PTPRD: variants seen among roughly 807,000 people sequenced by gnomAD.
The protein encoded by PTPRD is receptor-type tyrosine-protein phosphatase delta.
PTPRD carries 34 observed loss-of-function variants against 214.5 expected under a neutral mutation model. The ratio of observed to expected loss-of-function variants is 0.16; its 90% CI spans 0.12 to 0.21. The LOEUF (loss-of-function observed/expected upper bound fraction) is 0.21, where lower values mean the gene tolerates loss of function less well. PTPRD is among the 10% of genes least tolerant of loss of function. The pLI is 1.00. For synonymous variants in PTPRD, 1,128 were observed against 845.7 expected, an observed-to-expected ratio of 1.33 and a Z score of -5.79; for missense variants, 2,545 against 2,398.7, an observed-to-expected ratio of 1.06 and a Z score of -1.27.
intron 11 of PTPRD, among the ~76,000 whole-genome samples, chr9:8,764,236 T>C (rs1035703452): frequency 6.6e-6 from 1 of 152,190 alleles, no homozygotes; most frequent in Non-Finnish European, 1.5e-5. Context: ...CTACATATTT[T>C]ACTGTGATGT....
intron 4 of PTPRD, among the ~76,000 whole-genome samples, chr9:10,011,637 T>C: frequency 6.6e-6 from 1 of 152,000 alleles, no homozygotes; most frequent in East Asian, 1.9e-4. Flanking sequence ...TACTTAAAAA[T>C]GGGTATAAGC....
chr9:8,422,602 A>G (rs977890175), intron 35 of PTPRD, among the ~76,000 whole-genome samples: 9 of 152,154 alleles, frequency 5.9e-5, no homozygotes, highest in Non-Finnish European at 1.2e-4. Context: ...CTCAAATATA[A>G]CTTCACAGTA....
intron 11 of PTPRD, among the ~76,000 whole-genome samples, chr9:8,809,694 A>G (rs1275772092): frequency 2.0e-5 from 3 of 152,186 alleles, no homozygotes; most frequent in Admixed American, 6.6e-5. Flanking sequence ...TATAGCTGGC[A>G]TAAGGTTTAC....
intron 2 of PTPRD, among the ~76,000 whole-genome samples, chr9:10,598,174 A>T (rs2077046138): frequency 6.6e-6 from 1 of 151,800 alleles, no homozygotes; most frequent in Non-Finnish European, 1.5e-5. Context: ...ACTGTAGAGT[A>T]TCAGTGTTGT....
chr9:8,916,079 G>T (rs2098783929), intron 11 of PTPRD, among the ~76,000 whole-genome samples: 1 of 152,138 alleles, frequency 6.6e-6, no homozygotes, highest in Admixed American at 6.6e-5. Context: ...TCAAAGATCA[G>T]AAATTTTATC....
At chr9:8,396,034 T>G (rs186430887) in intron 36 of PTPRD, among the ~76,000 whole-genome samples, 1 of 151,960 alleles carries the variant, frequency 6.6e-6, no homozygotes, top group African/African-American at 2.4e-5. Context: ...AAGGAGGCAA[T>G]TATTATAGAG....
chr9:10,611,103 C>A (rs1432867296), intron 2 of PTPRD, among the ~76,000 whole-genome samples: 1 of 152,080 alleles, frequency 6.6e-6, no homozygotes, highest in Non-Finnish European at 1.5e-5. Flanking sequence ...ACTTTTCAAT[C>A]TGGTTTTTAA....
chr9:10,166,625 T>A (rs2099160857), intron 3 of PTPRD, among the ~76,000 whole-genome samples: 1 of 152,008 alleles, frequency 6.6e-6, no homozygotes, highest in African/African-American at 2.4e-5. Context: ...TTCATCAGCA[T>A]AAACTCTGCT....
chr9:9,770,344 A>C (rs1349408102), intron 5 of PTPRD, among the ~76,000 whole-genome samples: 2 of 152,208 alleles, frequency 1.3e-5, no homozygotes, highest in East Asian at 3.8e-4. Context: ...CAATTTAACA[A>C]GTAACAACCA....
intron 3 of PTPRD, among the ~76,000 whole-genome samples, chr9:10,288,313 T>A (rs78798059): frequency 2.7e-5 from 4 of 147,226 alleles, no homozygotes; most frequent in Middle Eastern, 3.4e-3. Context: ...TAGATTTTTT[T>A]AAAAATTCCA....
At chr9:8,908,615 G>A (rs559619475) in intron 11 of PTPRD, among the ~76,000 whole-genome samples, 101 of 151,940 alleles carry the variant, frequency 6.6e-4, no homozygotes, top group Non-Finnish European at 1.3e-3. Flanking sequence ...CTGATTTATA[G>A]CTATAAACAT....
chr9:10,306,959 A>T (rs1244898621), intron 3 of PTPRD, among the ~76,000 whole-genome samples: 1 of 152,112 alleles, frequency 6.6e-6, no homozygotes, highest in Admixed American at 6.6e-5. Flanking sequence ...ACTATTTGAA[A>T]GTGTTTATGG....
At chr9:8,750,706 T>C (rs1598693848) in intron 11 of PTPRD, among the ~76,000 whole-genome samples, 1 of 152,044 alleles carries the variant, frequency 6.6e-6, no homozygotes, top group Non-Finnish European at 1.5e-5. Flanking sequence ...ATGAGCTTGG[T>C]TGTGGCTGGA....
chr9:9,560,230 G>A (rs542615750), intron 8 of PTPRD, among the ~76,000 whole-genome samples: 3 of 152,244 alleles, frequency 2.0e-5, no homozygotes, highest in South Asian at 4.1e-4. Context: ...AGGCACTAGA[G>A]GAAGTACACT....
At chr9:10,084,682 T>C (rs2098300002) in intron 3 of PTPRD, among the ~76,000 whole-genome samples, 1 of 151,952 alleles carries the variant, frequency 6.6e-6, no homozygotes, top group South Asian at 2.1e-4. Flanking sequence ...TTTTAGGTTT[T>C]ACAAGACACA....
At chr9:10,358,912 G>T (rs77822668) in intron 2 of PTPRD, among the ~76,000 whole-genome samples, 1 of 151,894 alleles carries the variant, frequency 6.6e-6, no homozygotes, top group Non-Finnish European at 1.5e-5. Context: ...ATGGTTGCTG[G>T]TTGGTATACT....
At chr9:10,441,234 C>T (rs892611428) in intron 2 of PTPRD, among the ~76,000 whole-genome samples, 3 of 151,666 alleles carry the variant, frequency 2.0e-5, no homozygotes, top group African/African-American at 7.2e-5. Context: ...CTGCTTTCCA[C>T]AATAAAAGCT....
intron 8 of PTPRD, among the ~76,000 whole-genome samples, chr9:9,508,680 T>G (rs1444700358): frequency 6.6e-6 from 1 of 151,546 alleles, no homozygotes; most frequent in Non-Finnish European, 1.5e-5. Flanking sequence ...CCTCAAAAGG[T>G]ATTATATGTT....
intron 7 of PTPRD, among the ~76,000 whole-genome samples, chr9:9,643,175 C>T (rs997376405): frequency 9.2e-5 from 14 of 152,020 alleles, no homozygotes; most frequent in Non-Finnish European, 2.1e-4. Context: ...TTCCTCAGAC[C>T]ACACAGTTTA....
Sources: allele counts gnomAD v4.1 joint callset (sites outside exome capture counted in the v4.1 genomes callset), GRCh38; gene constraint gnomAD v4.1.1; transcripts MANE v1.5; gene names NCBI Gene and HGNC (gene_info 2026-07-23, HGNC 2026-07-21).